Variants in UBL3 observed in about 807,000 individuals in gnomAD.
UBL3 encodes ubiquitin like 3.
A neutral mutation model predicts 18.4 loss-of-function variants in UBL3; 6 were observed. The observed-to-expected ratio is 0.33, with a 90% CI of 0.18 to 0.64. The LOEUF is 0.64. Ranked by LOEUF, UBL3 falls within the 30% of genes least tolerant of loss-of-function variation. The pLI, the probability that UBL3 is intolerant of heterozygous loss-of-function variation, is 0.76. For synonymous variants in UBL3, 49 were observed against 46.6 expected (o/e 1.05, Z -0.21); for missense variants, 109 against 142.9 (o/e 0.76, Z 1.21).
chr13:29,770,420 C>T (rs1876810420), intron 3 of UBL3, among the ~76,000 whole-genome samples: 2 of 151,956 alleles, frequency 1.3e-5, no homozygotes, highest in South Asian at 4.1e-4. Context: ...TATTCTAAAA[C>T]AGATTTCAAA....
At chr13:29,804,360 A>G (rs191937715) in intron 1 of UBL3, among the ~76,000 whole-genome samples, 1 of 152,276 alleles carries the variant, frequency 6.6e-6, no homozygotes, top group Admixed American at 6.5e-5. Flanking sequence ...CTAAATAACC[A>G]TATCAAAAAG....
intron 1 of UBL3, among the ~76,000 whole-genome samples, chr13:29,792,161 A>C (rs966794804): frequency 2.0e-5 from 3 of 152,270 alleles, no homozygotes; most frequent in Admixed American, 2.0e-4. Context: ...AATGTACTAG[A>C]GTATGTGTGC....
intron 1 of UBL3, among the ~76,000 whole-genome samples, chr13:29,835,116 ATATATATAAATATATATATATAT>A (rs1878901998): frequency 8.1e-5 from 2 of 24,806 alleles, no homozygotes; most frequent in African/African-American, 4.3e-4. Context: ...AAATATATAT[ATATATATAAATATATATATATAT>A]ATATATATAT....
At chr13:29,777,296 T>C in intron 1 of UBL3, 33 bp from the exon 2 acceptor site, 1 of 1,546,240 alleles carries the variant, frequency 6.5e-7, no homozygotes, top group South Asian at 1.2e-5. Flanking sequence ...TTAACATAAA[T>C]CTAAAAATTT....
chr13:29,781,356 T>C (rs1163682990), intron 1 of UBL3, among the ~76,000 whole-genome samples: 1 of 152,202 alleles, frequency 6.6e-6, no homozygotes, highest in Non-Finnish European at 1.5e-5. Context: ...AGTTTCTTCA[T>C]GTATTCCTGC....
chr13:29,827,297 ATTG>A, intron 1 of UBL3, among the ~76,000 whole-genome samples: 2 of 152,264 alleles, frequency 1.3e-5, no homozygotes, highest in Middle Eastern at 6.8e-3. Flanking sequence ...AAAGTCTCCC[ATTG>A]TTATTGTGTG....
At chr13:29,829,627 T>A (rs112543078) in intron 1 of UBL3, among the ~76,000 whole-genome samples, 16 of 152,274 alleles carry the variant, frequency 1.1e-4, no homozygotes, top group African/African-American at 3.8e-4. Flanking sequence ...CCTTGACCCC[T>A]TGCACTTCCC....
At chr13:29,824,880 T>C (rs956112667) in intron 1 of UBL3, among the ~76,000 whole-genome samples, 2 of 152,246 alleles carry the variant, frequency 1.3e-5, no homozygotes, top group African/African-American at 4.8e-5. Context: ...AATTAATTTT[T>C]GTATAAGGTG....
chr13:29,844,317 T>C (rs1291084193), intron 1 of UBL3, among the ~76,000 whole-genome samples: 2 of 152,164 alleles, frequency 1.3e-5, no homozygotes, highest in African/African-American at 2.4e-5. Flanking sequence ...CTTCTCAAAA[T>C]TGACTTGCTT....
At chr13:29,797,236 GAA>G (rs1226344371) in intron 1 of UBL3, among the ~76,000 whole-genome samples, 2 of 152,200 alleles carry the variant, frequency 1.3e-5, no homozygotes, top group African/African-American at 2.4e-5. Flanking sequence ...GTCAGAAAAG[GAA>G]AAAGAGAAAG....
intron 1 of UBL3, among the ~76,000 whole-genome samples, chr13:29,788,544 C>T (rs1877384563): frequency 6.6e-6 from 1 of 152,154 alleles, no homozygotes; most frequent in South Asian, 2.1e-4. Flanking sequence ...CCTCTCAAGA[C>T]TCCTCCTATT....
intron 1 of UBL3, among the ~76,000 whole-genome samples, chr13:29,841,173 T>C (rs1394010859): frequency 1.3e-5 from 2 of 152,108 alleles, no homozygotes; most frequent in Non-Finnish European, 2.9e-5. Context: ...AAAGAACATT[T>C]TCTTCTCAAA....
At chr13:29,832,447 G>A (rs868449323) in intron 1 of UBL3, among the ~76,000 whole-genome samples, 1 of 151,250 alleles carries the variant, frequency 6.6e-6, no homozygotes, top group Non-Finnish European at 1.5e-5. Context: ...ATTCTCCTGC[G>A]TCAGCCTCCC....
At chr13:29,813,912 T>A (rs1354511237) in intron 1 of UBL3, among the ~76,000 whole-genome samples, 1 of 152,096 alleles carries the variant, frequency 6.6e-6, no homozygotes, top group Admixed American at 6.6e-5. Flanking sequence ...GAGCCACTTT[T>A]GAAATAAAAT....
At chr13:29,773,189 C>G (rs1178088945) in intron 2 of UBL3, among the ~76,000 whole-genome samples, 2 of 152,136 alleles carry the variant, frequency 1.3e-5, no homozygotes, top group East Asian at 3.9e-4. Context: ...AGAGACTTTT[C>G]TTTTGCCCTT....
At chr13:29,843,802 A>G (rs887874380) in intron 1 of UBL3, among the ~76,000 whole-genome samples, 8 of 152,236 alleles carry the variant, frequency 5.3e-5, no homozygotes, top group Non-Finnish European at 1.2e-4. Context: ...TTCTTTTGAA[A>G]AGCAGGTACT....
intron 1 of UBL3, among the ~76,000 whole-genome samples, chr13:29,788,306 A>G (rs1302574063): frequency 6.6e-6 from 1 of 152,118 alleles, no homozygotes; most frequent in Non-Finnish European, 1.5e-5. Context: ...TACTTATTCT[A>G]TGCTATTATC....
chr13:29,823,212 A>C (rs1878518621), intron 1 of UBL3, among the ~76,000 whole-genome samples: 1 of 152,072 alleles, frequency 6.6e-6, no homozygotes, highest in Non-Finnish European at 1.5e-5. Flanking sequence ...GTGTGATCTC[A>C]ACTCACTGCA....
intron 1 of UBL3, among the ~76,000 whole-genome samples, chr13:29,798,395 T>C (rs950398188): frequency 6.6e-6 from 1 of 152,016 alleles, no homozygotes; most frequent in African/African-American, 2.4e-5. Context: ...AGTATGTCAA[T>C]AAAATCCTCA....
Sources: allele counts gnomAD v4.1 joint callset (sites outside exome capture counted in the v4.1 genomes callset), GRCh38; gene constraint gnomAD v4.1.1; transcripts MANE v1.5; gene names NCBI Gene and HGNC (gene_info 2026-07-23, HGNC 2026-07-21).